The following PDE8A variants were observed in gnomAD, a reference collection of about 807,000 sequenced individuals.
PDE8A encodes phosphodiesterase 8A.
Under a neutral mutation model 105.0 loss-of-function variants are expected in PDE8A, and 59 were observed. The ratio of observed to expected loss-of-function variants is 0.56; its 90% CI spans 0.46 to 0.70. The LOEUF (loss-of-function observed/expected upper bound fraction) is 0.70. PDE8A is among the 30% of genes least tolerant of loss of function. PDE8A has a pLI of 0.00. For missense variants in PDE8A, 1,014 were observed against 1,045.9 expected (o/e 0.97, Z 0.42); for synonymous variants, 355 against 371.9 (o/e 0.95, Z 0.52).
At chr15:85,110,773 A>T (rs1332215918) in intron 12 of PDE8A, among the ~76,000 whole-genome samples, 1 of 152,162 alleles carries the variant, frequency 6.6e-6, no homozygotes, top group East Asian at 1.9e-4. Context: ...GTATATGCTC[A>T]TCTTCTCCCT....
At chr15:85,091,297 A>G (rs2081639520) in intron 8 of PDE8A, 116 bp downstream of exon 8, 1 of 884,840 alleles carries the variant, frequency 1.1e-6, no homozygotes, top group Admixed American at 2.8e-5. Context: ...AGCCCAGGGA[A>G]GTATAGGGAA....
chr15:85,092,117 C>T (rs1024156834), intron 8 of PDE8A, among the ~76,000 whole-genome samples: 4 of 151,952 alleles, frequency 2.6e-5, no homozygotes, highest in Admixed American at 2.0e-4. Flanking sequence ...GCTTATACTC[C>T]GCTCATCTTG....
At chr15:85,070,293 A>G (rs890397647) in intron 3 of PDE8A, among the ~76,000 whole-genome samples, 3 of 152,180 alleles carry the variant, frequency 2.0e-5, no homozygotes, top group Non-Finnish European at 2.9e-5. Flanking sequence ...TTCTATGTCT[A>G]TTATATTTCC....
chr15:85,128,311 C>T (rs1024989314), intron 20 of PDE8A, among the ~76,000 whole-genome samples: 1 of 152,060 alleles, frequency 6.6e-6, no homozygotes, highest in Non-Finnish European at 1.5e-5. Context: ...TCAAGACCAG[C>T]CTCAGCAAGA....
chr15:85,059,875 G>A (rs1156318160), intron 1 of PDE8A, among the ~76,000 whole-genome samples: 1 of 152,134 alleles, frequency 6.6e-6, no homozygotes, highest in Non-Finnish European at 1.5e-5. Context: ...AGATGAGGTG[G>A]CATATACCTG....
intron 1 of PDE8A, among the ~76,000 whole-genome samples, chr15:85,020,465 A>G (rs913405017): frequency 1.3e-5 from 2 of 152,128 alleles, no homozygotes; most frequent in Admixed American, 6.5e-5. Context: ...TTAGCCGGGC[A>G]TGGTGGCGCG....
chr15:84,985,621 A>G (rs2079789841), intron 1 of PDE8A, among the ~76,000 whole-genome samples: 1 of 152,086 alleles, frequency 6.6e-6, no homozygotes, highest in African/African-American at 2.4e-5. Context: ...GATGCTCCCC[A>G]CACCCCAACT....
At chr15:85,022,470 C>T (rs533191315) in intron 1 of PDE8A, among the ~76,000 whole-genome samples, 46 of 141,244 alleles carry the variant, frequency 3.3e-4, no homozygotes, top group African/African-American at 9.1e-4. Context: ...ATCATATTAA[C>T]TAGAATAAAC....
chr15:85,102,794 G>A (rs2081886121), intron 11 of PDE8A, among the ~76,000 whole-genome samples: 1 of 149,792 alleles, frequency 6.7e-6, no homozygotes, highest in African/African-American at 2.5e-5. Flanking sequence ...AGCCGAGATC[G>A]CGCCATTGTA....
Position 85,116,047 on chromosome 15 carries a change from T to C in PDE8A, c.1463T>C (p.Ile488Thr), listed in dbSNP as rs201680379. 7.2e-5 allele frequency: 116 copies of C among 1,613,676 alleles called. No individual in the cohort carries two copies. The East Asian group carries it at 2.4e-3, about 33-fold the overall frequency. Residue 488 changes from isoleucine (I) to threonine (T), a missense_variant, in exon 16 of 22, where the codon ATA becomes ACA. Transcript: ENST00000394553. ...PISLDDVPPRIARAMENEEYW... is the reference protein window; with the variant it reads ...PISLDDVPPRTARAMENEEYW... ...TCCCTTGATGATGTCCCACCACGGA[T>C]AGCTCGGGCCATGGAAAATGAGGAA...
intron 1 of PDE8A, among the ~76,000 whole-genome samples, chr15:85,006,492 C>T (rs558832294): frequency 6.6e-6 from 1 of 152,220 alleles, no homozygotes; most frequent in South Asian, 2.1e-4. Context: ...TGGTATTACC[C>T]ATTTTTAATC....
chr15:85,022,204 C>A (rs1357947593), intron 1 of PDE8A, among the ~76,000 whole-genome samples: 1 of 152,136 alleles, frequency 6.6e-6, no homozygotes, highest in African/African-American at 2.4e-5. Context: ...TGTCTTAGTT[C>A]TTTTCAGCTG....
At chr15:85,107,792 C>T (rs1227017285) in intron 11 of PDE8A, among the ~76,000 whole-genome samples, 2 of 151,928 alleles carry the variant, frequency 1.3e-5, no homozygotes, top group African/African-American at 4.8e-5. Context: ...AGGAGAGAGG[C>T]CTGGGGTAAG....
rs765047902 is a variant in PDE8A at position 84,982,250 on chromosome 15, G to C, written c.88G>C (p.Gly30Arg). The C allele has an allele frequency of 6.9e-7, 1 of 1,458,646 alleles. No homozygotes were observed. Among genetic ancestry groups the C allele is most frequent in the Non-Finnish European group, 9.0e-7 (1 of 1,114,110 alleles). 90.4% of individuals were successfully genotyped at this position (1,458,646 alleles called of 1,614,324 possible). The change falls in exon 1 of 22, where the codon GGG becomes CGG. Residue 30 changes from glycine (G) to arginine (R), a missense_variant. Transcript: ENST00000394553. ...CGCGGCACCGCCGCTGTCGTCCGGC[G>C]GGCCGCGCCTCCCGCAGGGCCAGAA... ...SPAAPPLSSG[G>R]PRLPQGQKTA...
At chr15:85,113,556 A>C (rs774692264) in intron 13 of PDE8A, 109 bp downstream of exon 13, 12 of 976,732 alleles carry the variant, frequency 1.2e-5, no homozygotes, top group Non-Finnish European at 2.0e-5. Flanking sequence ...GCATGCTGTC[A>C]TAGTTGTGTG....
intron 8 of PDE8A, among the ~76,000 whole-genome samples, chr15:85,096,230 C>G (rs2081749498): frequency 6.6e-6 from 1 of 151,912 alleles, no homozygotes; most frequent in African/African-American, 2.4e-5. Context: ...ATTTTTTTCT[C>G]TCTCTTTTTT....
chr15:85,055,811 T>A (rs978434867), intron 1 of PDE8A, among the ~76,000 whole-genome samples: 1 of 152,192 alleles, frequency 6.6e-6, no homozygotes, highest in Non-Finnish European at 1.5e-5. Flanking sequence ...CATTTACATT[T>A]AAGGTTAATA....
At chr15:85,026,784 A>G (rs952803468) in intron 1 of PDE8A, among the ~76,000 whole-genome samples, 1 of 152,134 alleles carries the variant, frequency 6.6e-6, no homozygotes, top group Non-Finnish European at 1.5e-5. Flanking sequence ...AACAAAACAA[A>G]ACAAAAAAAC....
chr15:85,059,246 A>G (rs577292281), intron 1 of PDE8A, among the ~76,000 whole-genome samples: 8 of 152,256 alleles, frequency 5.3e-5, no homozygotes, highest in Non-Finnish European at 1.0e-4. Context: ...TGTTACATCT[A>G]TCTTTTAAAA....
Sources: allele counts gnomAD v4.1 joint callset (sites outside exome capture counted in the v4.1 genomes callset), GRCh38; gene constraint gnomAD v4.1.1; transcripts MANE v1.5; gene names NCBI Gene and HGNC (gene_info 2026-07-23, HGNC 2026-07-21).